Variants in JAKMIP3 observed in about 807,000 individuals in gnomAD.
JAKMIP3 encodes Janus kinase and microtubule interacting protein 3.
Under a neutral mutation model 118.5 loss-of-function variants are expected in JAKMIP3, and 58 were observed. The observed-to-expected ratio is 0.49, with a 90% CI of 0.40 to 0.61. The LOEUF (loss-of-function observed/expected upper bound fraction) is 0.61, where lower values mean the gene tolerates loss of function less well. Among genes scored for constraint, JAKMIP3 ranks in the 20% least tolerant of loss-of-function variants. JAKMIP3 has a pLI of 0.00. For synonymous variants in JAKMIP3, 486 were observed against 451.2 expected, an observed-to-expected ratio of 1.08 and a Z score of -0.98; for missense variants, 950 against 1,109.0, an observed-to-expected ratio of 0.86 and a Z score of 2.04.
At chr10:132,100,170 A>G (rs554412294) in intron 1 of JAKMIP3, among the ~76,000 whole-genome samples, 1 of 149,670 alleles carries the variant, frequency 6.7e-6, no homozygotes, top group East Asian at 2.0e-4. Context: ...ACAGGCCCCC[A>G]CACGGACCCC....
intron 1 of JAKMIP3, among the ~76,000 whole-genome samples, chr10:132,094,698 G>A (rs2043607493): frequency 1.3e-5 from 2 of 152,160 alleles, no homozygotes; most frequent in Admixed American, 6.5e-5. Context: ...CTGTATTTTT[G>A]TGCCGGTTGG....
chr10:132,164,885 GGCTGGGCGGAGCTGA>G lies in JAKMIP3; in HGVS notation c.2490+172_2490+186del, dbSNP rs950421140. 3.5e-4 allele frequency: 226 copies of G among 641,534 alleles called. 2 individuals are homozygous for G. The highest frequency in any genetic ancestry group is 1.2e-3 in the South Asian group (61 of 52,368). 39.7% of individuals were successfully genotyped at this position (641,534 alleles called of 1,614,324 possible). ...GGAAGCGGCCGCCTGGAGGCCTGAA[GGCTGGGCGGAGCTGA>G]GCTGGGCGGAGCTGAGCTGGGTGGT... On this transcript the variant is annotated intron_variant, in intron 21 of 23. Coordinates refer to ENST00000684848, the MANE Select transcript of JAKMIP3 (RefSeq NM_001323087.2).
At chr10:132,048,667 C>CT (rs35729418) in intron 1 of JAKMIP3, among the ~76,000 whole-genome samples, 29,617 of 129,534 alleles carry the variant, frequency 0.23, 3,962 homozygotes, top group African/African-American at 0.33. Context: ...TGTTTCTTTT[C>CT]TTTTTTTTTT....
intron 20 of JAKMIP3, 59 bp from the exon 21 acceptor site, chr10:132,164,611 G>T: frequency 9.0e-7 from 1 of 1,110,080 alleles, no homozygotes; most frequent in Non-Finnish European, 1.4e-6. Context: ...AAATCTTGAA[G>T]GATTTGGGTT....
rs1190632756 is a variant in JAKMIP3 at position 132,044,051 on chromosome 10, C to T, written c.-138+7313C>T. On this transcript the variant is annotated intron_variant, in intron 1 of 23. Transcript: ENST00000657785. The surrounding 1 kb of genome is among the most constrained non-coding windows in gnomAD (Gnocchi z 5.3). ...CCTCGGGGTTCAGTAGGCTCTCAGG[C>T]AGTTCAGATACCGTGTGTGCAGTGG... 6.6e-6 allele frequency among the ~76,000 whole-genome samples: 1 copy of T among 152,218 alleles called. No individual in the cohort carries two copies. The highest frequency in any genetic ancestry group is 1.5e-5 in the Non-Finnish European group (1 of 68,038).
intron 20 of JAKMIP3, 77 bp downstream of exon 20, chr10:132,163,489 G>A (rs1192622551): frequency 1.4e-5 from 19 of 1,330,556 alleles, no homozygotes; most frequent in African/African-American, 4.3e-5. Context: ...GTCCTCCCAC[G>A]GCCACACCTC....
At chr10:132,056,784 A>G (rs1479497619) in intron 1 of JAKMIP3, among the ~76,000 whole-genome samples, 1 of 152,206 alleles carries the variant, frequency 6.6e-6, no homozygotes, top group Admixed American at 6.5e-5. Context: ...AGGCTGCTGA[A>G]TGCCAGGGGC....
intron 1 of JAKMIP3, among the ~76,000 whole-genome samples, chr10:132,041,066 CTTTT>C (rs1427715261): frequency 6.6e-6 from 1 of 152,028 alleles, no homozygotes; most frequent in African/African-American, 2.4e-5. Flanking sequence ...CATTTTCTTT[CTTTT>C]TGAGATGGAG....
rs573311738 is a variant in JAKMIP3, at chr10:132,177,279, G to C, written c.*1104-5078G>C. Among the ~76,000 whole-genome samples, 2 of 152,274 alleles carry C rather than the reference G, an allele frequency of 1.3e-5. 1 individual carries two copies. The highest frequency in any genetic ancestry group is 4.1e-4 in the South Asian group (2 of 4,836). On this transcript the variant is annotated intron_variant, in intron 23 of 23. Coordinates refer to ENST00000684848, the MANE Select transcript of JAKMIP3 (RefSeq NM_001323087.2). ...ATTTCAGAAAGGGTAGCTGGGCATC[G>C]CTGTGGAGGCCTGTGAGAACAGCTG...
rs1564981716 is a variant in JAKMIP3 at position 132,159,641 on chromosome 10, G to GGGGGGTCCTCTCCCTATGTGATGCTCA, written c.2221-3563_2221-3562insTCCTCTCCCTATGTGATGCTCAGGGGG. 3.9e-3 allele frequency among the ~76,000 whole-genome samples: 280 copies of GGGGGGTCCTCTCCCTATGTGATGCTCA among 70,898 alleles called. 20 individuals are homozygous for GGGGGGTCCTCTCCCTATGTGATGCTCA. The highest frequency in any genetic ancestry group is 6.5e-3 in the Non-Finnish European group (202 of 31,016). 46.5% of individuals were successfully genotyped at this position (70,898 alleles called of 152,430 possible). A position where few individuals can be genotyped will look rare whatever the true frequency, so the allele number is the denominator to read the frequency against. ...GGGGGTCCTCTTCCTTTGTGATGCTGGGGGGCCTCTCCCTGTGTGATGCTG... is the reference window on the plus strand; with the variant it reads ...GGGGGTCCTCTTCCTTTGTGATGCTGGGGGGTCCTCTCCCTATGTGATGCTCAGGGGGCCTCTCCCTGTGTGATGCTG... On this transcript the variant is annotated intron_variant, in intron 19 of 23. Transcript: ENST00000684848.
chr10:132,152,896 A>ACTCACC (rs1366568236), intron 16 of JAKMIP3, 62 bp from the exon 17 acceptor site: 2 of 1,343,224 alleles, frequency 1.5e-6, no homozygotes, highest in Non-Finnish European at 1.0e-6. Flanking sequence ...TGCATCCATC[A>ACTCACC]CTCACCCTCA....
chr10:132,070,916 G>A (rs551724969), intron 1 of JAKMIP3, among the ~76,000 whole-genome samples: 16 of 152,242 alleles, frequency 1.1e-4, no homozygotes, highest in Admixed American at 3.9e-4. Flanking sequence ...TTTCTATTTC[G>A]CTTACTTTGC....
intron 1 of JAKMIP3, among the ~76,000 whole-genome samples, chr10:132,084,417 T>C (rs1564879775): frequency 6.6e-6 from 1 of 152,242 alleles, no homozygotes; most frequent in Non-Finnish European, 1.5e-5. Flanking sequence ...AATTATTTTA[T>C]CAGTTCTAGG....
chr10:132,041,730 T>C (rs770702071), intron 1 of JAKMIP3, among the ~76,000 whole-genome samples: 1 of 152,240 alleles, frequency 6.6e-6, no homozygotes, highest in East Asian at 1.9e-4. Flanking sequence ...TCGTCCGTTA[T>C]AGCTGGCCTG....
At chr10:132,041,240 A>G (rs1283281333) in intron 1 of JAKMIP3, among the ~76,000 whole-genome samples, 2 of 152,184 alleles carry the variant, frequency 1.3e-5, no homozygotes, top group South Asian at 2.1e-4. Flanking sequence ...CACATTTTCT[A>G]TAAACATTCA....
rs2047978988 is a variant in JAKMIP3 at position 132,117,982 on chromosome 10, G to A, written c.633+408G>A. 6.6e-6 allele frequency among the ~76,000 whole-genome samples: 1 copy of A among 152,194 alleles called. No homozygotes were observed. The highest frequency in any genetic ancestry group is 2.4e-5 in the African/African-American group (1 of 41,434). ...CACACCTGACACCAGGCAGGGCTCAGTGTTTCGCAGCAGGAGTCCCACACA... is the reference window on the plus strand; with the variant it reads ...CACACCTGACACCAGGCAGGGCTCAATGTTTCGCAGCAGGAGTCCCACACA... On this transcript the variant is annotated intron_variant, in intron 3 of 23. Transcript: ENST00000684848. The surrounding 1 kb of genome is among the most constrained non-coding windows in gnomAD (Gnocchi z 8.6).
chr10:132,113,715 G>A (rs532240411), intron 2 of JAKMIP3, among the ~76,000 whole-genome samples: 16 of 152,340 alleles, frequency 1.1e-4, no homozygotes, highest in African/African-American at 3.8e-4. Context: ...TCTTCTAGAA[G>A]CTGTGTTGTT....
chr10:132,115,936 C>A (rs932710924), intron 2 of JAKMIP3, among the ~76,000 whole-genome samples: 1 of 152,202 alleles, frequency 6.6e-6, no homozygotes, highest in Non-Finnish European at 1.5e-5. Flanking sequence ...GGGCATTGGG[C>A]CGGATGTGCT....
chr10:132,071,910 C>CTTCCCTTCCT (rs1210774217), intron 1 of JAKMIP3, among the ~76,000 whole-genome samples: 8 of 134,776 alleles, frequency 5.9e-5, no homozygotes, highest in African/African-American at 1.9e-4. Context: ...TCTTCCCTTC[C>CTTCCCTTCCT]TTCCTTCCTT....
Sources: allele counts gnomAD v4.1 joint callset (sites outside exome capture counted in the v4.1 genomes callset), GRCh38; gene constraint gnomAD v4.1.1; non-coding constraint Gnocchi (gnomAD v3.1); transcripts MANE v1.5; gene names NCBI Gene and HGNC (gene_info 2026-07-23, HGNC 2026-07-21).